KLHL3: variants seen among roughly 807,000 people sequenced by gnomAD.
KLHL3 encodes the protein kelch-like protein 3.
In KLHL3, 19 loss-of-function variants were observed where a neutral mutation model predicts 70.5. The ratio of observed to expected loss-of-function variants is 0.27; its 90% CI spans 0.19 to 0.40. The LOEUF (loss-of-function observed/expected upper bound fraction) is 0.40, where lower values mean the gene tolerates loss of function less well. Ranked by LOEUF, KLHL3 falls within the 10% of genes least tolerant of loss-of-function variation. The pLI, the probability that KLHL3 is intolerant of heterozygous loss-of-function variation, is 1.00. For missense variants in KLHL3, 512 were observed against 771.1 expected, an observed-to-expected ratio of 0.66 and a Z score of 3.98; for synonymous variants, 258 against 290.3, an observed-to-expected ratio of 0.89 and a Z score of 1.13.
chr5:137,628,587 A>T, intron 12 of KLHL3, 150 bp from the exon 13 acceptor site: 1 of 691,760 alleles, frequency 1.4e-6, no homozygotes, highest in Non-Finnish European at 2.3e-6. Flanking sequence ...CCTCATCTGT[A>T]AAACAAATAT....
intron 2 of KLHL3, among the ~76,000 whole-genome samples, chr5:137,719,124 G>C (rs949852660): frequency 6.6e-6 from 1 of 152,174 alleles, no homozygotes; most frequent in Non-Finnish European, 1.5e-5. Context: ...GTTCCCACCT[G>C]TCATACTTGC....
chr5:137,695,311 T>A (rs1240668109), intron 4 of KLHL3, among the ~76,000 whole-genome samples: 3 of 152,134 alleles, frequency 2.0e-5, no homozygotes, highest in African/African-American at 7.2e-5. Context: ...ACACCCCTTA[T>A]CCTGTTTGAG....
intron 8 of KLHL3, among the ~76,000 whole-genome samples, chr5:137,645,734 A>C (rs1256513619): frequency 6.6e-6 from 1 of 152,166 alleles, no homozygotes; most frequent in African/African-American, 2.4e-5. Context: ...TACCTAAAGC[A>C]ATCTAAAGAT....
At position 137,621,310 on chromosome 5, in the gene KLHL3, T is replaced by C. The variant is rs1750287721; in HGVS notation, c.*788A>G. 6.6e-6 allele frequency: 1 copy of C among 152,584 alleles called. No homozygotes were observed. 9.5% of individuals were successfully genotyped at this position (152,584 alleles called of 1,614,324 possible). The stretch of plus-strand genomic sequence containing the variant: ...GCTAGTTTTCCCAGCTGAAGAGACA[T>C]AACACCTCCCAGGCCTGGAATCTAT... On this transcript the variant is annotated 3_prime_UTR_variant, in exon 15 of 15. Coordinates refer to ENST00000309755, the MANE Select transcript of KLHL3 (RefSeq NM_017415.3).
intron 6 of KLHL3, among the ~76,000 whole-genome samples, chr5:137,662,454 GC>G (rs1441226902): frequency 6.6e-6 from 1 of 152,166 alleles, no homozygotes; most frequent in Non-Finnish European, 1.5e-5. Flanking sequence ...ATCTCCCCAT[GC>G]CCCCGTTTCC....
rs763835534 is a variant in KLHL3 at position 137,735,656 on chromosome 5, C to T, written c.-10G>A. 68 of 1,613,740 alleles carry T rather than the reference C, an allele frequency of 4.2e-5. No individual in the cohort carries two copies. The highest frequency in any genetic ancestry group is 5.8e-5 in the Non-Finnish European group (68 of 1,179,744). On this transcript the variant is annotated 5_prime_UTR_variant, in exon 1 of 15. Coordinates refer to ENST00000309755, the MANE Select transcript of KLHL3 (RefSeq NM_017415.3). ...ACCTTTCACCCTCCATTGTGTGAGGCCCAGCCAGGGTGGTAGCTGCTGAAC... is the reference window on the plus strand; with the variant it reads ...ACCTTTCACCCTCCATTGTGTGAGGTCCAGCCAGGGTGGTAGCTGCTGAAC...
At chr5:137,640,890 A>G (rs1231491269) in intron 8 of KLHL3, among the ~76,000 whole-genome samples, 1 of 141,456 alleles carries the variant, frequency 7.1e-6, no homozygotes, top group African/African-American at 2.5e-5. Flanking sequence ...AGAAAATATG[A>G]TAAGAATATT....
In KLHL3 at chr5:137,628,595, TATA is replaced by T. The variant is rs1327663063; in HGVS notation, c.1451-161_1451-159del. ...TCAGTGTCCTCATCTGTAAAACAAA[TATA>T]ATGACACCCTACCTGCCTCCTCATA... On this transcript the variant is annotated intron_variant, in intron 12 of 14. Transcript: ENST00000309755. 65 of 638,200 alleles carry T rather than the reference TATA, an allele frequency of 1.0e-4. 1 individual carries two copies. The highest frequency in any genetic ancestry group is 8.9e-4 in the South Asian group (35 of 39,180). The allele number at this position is 638,200 out of a possible 1,614,324, so 39.5% of individuals were successfully genotyped here. A position where few individuals can be genotyped will look rare whatever the true frequency, so the allele number is the denominator to read the frequency against.
chr5:137,702,837 G>C (rs1752598668), intron 3 of KLHL3, among the ~76,000 whole-genome samples: 1 of 152,204 alleles, frequency 6.6e-6, no homozygotes, highest in Non-Finnish European at 1.5e-5. Flanking sequence ...GGAGGGCCCA[G>C]AAGAGCAAGC....
chr5:137,647,366 G>A (rs914136745), intron 8 of KLHL3, among the ~76,000 whole-genome samples: 6 of 152,146 alleles, frequency 3.9e-5, no homozygotes, highest in African/African-American at 1.4e-4. Context: ...GACTAGCCAG[G>A]GAAAGGGACA....
At chr5:137,656,800 T>C (rs1055894475) in intron 8 of KLHL3, among the ~76,000 whole-genome samples, 2 of 152,198 alleles carry the variant, frequency 1.3e-5, no homozygotes, top group Admixed American at 6.5e-5. Flanking sequence ...AGGTGCAGGA[T>C]GGTATGAGTT....
chr5:137,679,142 G>C (rs1561602867), intron 5 of KLHL3, among the ~76,000 whole-genome samples: 1 of 134,442 alleles, frequency 7.4e-6, no homozygotes, highest in South Asian at 2.5e-4. Context: ...AAGCAAGAGA[G>C]CAATCTTCTT....
rs912212253 is a variant in KLHL3 at position 137,627,026 on chromosome 5, T to C, written c.1592-1130A>G. Among the ~76,000 whole-genome samples the C allele has an allele frequency of 2.6e-5, 4 of 152,160 alleles. No individual in the cohort carries two copies. In the South Asian group the frequency reaches 8.3e-4, roughly 31 times the overall value. ...AAAAAAAAATCCATTTCTGGCCTTTTATTCTAAAGAAATAATTTTAAATGT... is the reference window on the plus strand; with the variant it reads ...AAAAAAAAATCCATTTCTGGCCTTTCATTCTAAAGAAATAATTTTAAATGT... On this transcript the variant is annotated intron_variant, in intron 13 of 14. Coordinates refer to ENST00000309755, the MANE Select transcript of KLHL3 (RefSeq NM_017415.3).
chr5:137,669,535 T>C (rs1751699206), intron 6 of KLHL3, among the ~76,000 whole-genome samples: 2 of 152,320 alleles, frequency 1.3e-5, no homozygotes, highest in South Asian at 4.1e-4. Flanking sequence ...TCTTCAGCTT[T>C]CTATTACTAC....
intron 3 of KLHL3, among the ~76,000 whole-genome samples, chr5:137,702,574 T>G (rs939457130): frequency 1.3e-5 from 2 of 152,194 alleles, no homozygotes; most frequent in African/African-American, 4.8e-5. Context: ...GACTTCATCC[T>G]AAGGGCAACA....
chr5:137,678,470 T>G (rs544896703), intron 5 of KLHL3, among the ~76,000 whole-genome samples: 1 of 152,216 alleles, frequency 6.6e-6, no homozygotes, highest in African/African-American at 2.4e-5. Flanking sequence ...TAGGTTCAAA[T>G]CCTGGCTTTG....
rs149601531 is a variant in KLHL3 at position 137,648,252 on chromosome 5, G to A, written c.904-8275C>T. Among the ~76,000 whole-genome samples, 240 of 152,316 alleles carry A rather than the reference G, an allele frequency of 1.6e-3. 1 individual carries two copies. Among genetic ancestry groups the A allele is most frequent in the African/African-American group, 5.6e-3 (233 of 41,570 alleles). On this transcript the variant is annotated intron_variant, in intron 8 of 14. Coordinates refer to ENST00000309755, the MANE Select transcript of KLHL3 (RefSeq NM_017415.3). ...GGGGGCAGTGCCCATCCAGGGGCCT[G>A]GGCCAAATGAGAGGTCATCCCATCC... is the stretch of plus-strand genomic sequence containing the variant.
chr5:137,727,970 T>C (rs1753111760), intron 1 of KLHL3, among the ~76,000 whole-genome samples: 1 of 152,160 alleles, frequency 6.6e-6, no homozygotes, highest in South Asian at 2.1e-4. Flanking sequence ...ACATGAGATT[T>C]GGGAAGAGAT....
chr5:137,700,739 G>GA (rs1003971385), intron 3 of KLHL3, among the ~76,000 whole-genome samples: 6 of 151,844 alleles, frequency 4.0e-5, no homozygotes, highest in Admixed American at 6.6e-5. Context: ...AAACAAGCAA[G>GA]AAAAAAATGA....
Sources: allele counts gnomAD v4.1 joint callset (sites outside exome capture counted in the v4.1 genomes callset), GRCh38; gene constraint gnomAD v4.1.1; transcripts MANE v1.5; gene names NCBI Gene and HGNC (gene_info 2026-07-23, HGNC 2026-07-21).